NUDT21: variants seen among roughly 807,000 people sequenced by gnomAD.
The protein encoded by NUDT21 is nudix hydrolase 21.
A neutral mutation model predicts 29.8 loss-of-function variants in NUDT21; 5 were observed. The observed-to-expected ratio is 0.17, with a 90% CI of 0.09 to 0.35. The LOEUF is 0.35. Among genes scored for constraint, NUDT21 ranks in the 10% least tolerant of loss-of-function variants. The probability of loss-of-function intolerance (pLI) is 1.00; values close to 1 mark genes in which losing one functional copy is unlikely to be tolerated. For synonymous variants in NUDT21, 113 were observed against 98.5 expected, an observed-to-expected ratio of 1.15 and a Z score of -0.87; for missense variants, 76 against 276.0, an observed-to-expected ratio of 0.28 and a Z score of 5.13.
rs1249928619 is a variant in NUDT21 at position 56,434,693 on chromosome 16, T to C, written c.547+61A>G. The C allele has an allele frequency of 5.6e-6, 6 of 1,063,244 alleles. No homozygotes were observed. In the East Asian group the frequency reaches 9.5e-5, roughly 17 times the overall value. 65.9% of individuals were successfully genotyped at this position (1,063,244 alleles called of 1,614,324 possible). A position where few individuals can be genotyped will look rare whatever the true frequency, so the allele number is the denominator to read the frequency against. On this transcript the variant is annotated intron_variant, in intron 5 of 6. Transcript: ENST00000300291. ...AACTTTGAGAAAACACAAATAGAGG[T>C]ATCCTTGAAATTATTCTACAGAATT...
At position 56,451,229 on chromosome 16, in the gene NUDT21, A is replaced by G; in HGVS notation, c.-27T>C. On this transcript the variant is annotated 5_prime_UTR_variant, in exon 1 of 7. Transcript: ENST00000300291. ...CTGGCGAGCTCCGGCGCTGACGGCGAGCAGAAAGTGGCAGGCAGGGTAGAC... is the reference window on the plus strand; with the variant it reads ...CTGGCGAGCTCCGGCGCTGACGGCGGGCAGAAAGTGGCAGGCAGGGTAGAC... 6.5e-7 allele frequency: 1 copy of G among 1,545,742 alleles called. No individual in the cohort carries two copies.
At chr16:56,444,210 G>A (rs1323946525) in intron 3 of NUDT21, among the ~76,000 whole-genome samples, 1 of 152,116 alleles carries the variant, frequency 6.6e-6, no homozygotes, top group Non-Finnish European at 1.5e-5. Flanking sequence ...CTTGAGCCCA[G>A]GAGTTTGTGG....
intron 3 of NUDT21, among the ~76,000 whole-genome samples, chr16:56,443,028 T>C (rs1962177297): frequency 6.6e-6 from 1 of 152,204 alleles, no homozygotes; most frequent in Non-Finnish European, 1.5e-5. Context: ...CTGCTTCTGT[T>C]GAGGTCCTTT....
intron 3 of NUDT21, among the ~76,000 whole-genome samples, chr16:56,444,339 T>G (rs1962192566): frequency 1.3e-5 from 2 of 152,046 alleles, no homozygotes; most frequent in Admixed American, 6.6e-5. Flanking sequence ...ATCCCAACAC[T>G]TTGGGAGGCC....
Position 56,451,331 on chromosome 16 carries a change from A to C in NUDT21, c.-129T>G. 1.3e-6 allele frequency: 1 copy of C among 799,408 alleles called. No homozygotes were observed. The highest frequency in any genetic ancestry group is 2.0e-6 in the Non-Finnish European group (1 of 506,000). 49.5% of individuals were successfully genotyped at this position (799,408 alleles called of 1,614,324 possible). The stretch of plus-strand genomic sequence containing the variant: ...GCCATTAACAGGACAGCGCAAGAGG[A>C]GGCGTAGGCACGCCGGAAGTGAACC... On this transcript the variant is annotated 5_prime_UTR_variant, in exon 1 of 7. Coordinates refer to ENST00000300291, the MANE Select transcript of NUDT21 (RefSeq NM_007006.3).
Position 56,439,639 on chromosome 16 carries a change from ATGTAAC to A in NUDT21, c.471+12_471+17del. 1 of 1,541,450 alleles carries A rather than the reference ATGTAAC, an allele frequency of 6.5e-7. No homozygotes were observed. On this transcript the variant is annotated intron_variant, in intron 4 of 6. Coordinates refer to ENST00000300291, the MANE Select transcript of NUDT21 (RefSeq NM_007006.3). The stretch of plus-strand genomic sequence containing the variant: ...TTTCTGCTTCCAAAATGCCCAGCAA[ATGTAAC>A]TGAACACTGACCTGAGGAGGTTCAA...
At chr16:56,438,095 A>G (rs1003282236) in intron 4 of NUDT21, among the ~76,000 whole-genome samples, 4 of 152,170 alleles carry the variant, frequency 2.6e-5, no homozygotes, top group African/African-American at 7.2e-5. Flanking sequence ...ATGACCCCCA[A>G]TGATTCCTGT....
At chr16:56,437,146 T>A (rs1962112904) in intron 4 of NUDT21, among the ~76,000 whole-genome samples, 1 of 152,210 alleles carries the variant, frequency 6.6e-6, no homozygotes, top group Non-Finnish European at 1.5e-5. Context: ...CAGCATCAGC[T>A]TCCACAGCCC....
chr16:56,439,545 G>T, intron 4 of NUDT21, 112 bp downstream of exon 4: 1 of 765,154 alleles, frequency 1.3e-6, no homozygotes. Flanking sequence ...AAATTAAGGA[G>T]GGAAGAAAAG....
chr16:56,432,683 CTTCT>C lies in NUDT21; in HGVS notation c.*25_*28del, dbSNP rs747323823. On this transcript the variant is annotated 3_prime_UTR_variant, in exon 7 of 7. Coordinates refer to ENST00000300291, the MANE Select transcript of NUDT21 (RefSeq NM_007006.3). Reference sequence around the variant, plus strand: ...TAGCTGTGCTCACAGAGACAAGCGGCTTCTTTTACTTCTCCACTGCGCAGGAATT... The same window carrying C: ...TAGCTGTGCTCACAGAGACAAGCGGCTTTACTTCTCCACTGCGCAGGAATT... 8 of 1,605,828 alleles carry C rather than the reference CTTCT, an allele frequency of 5.0e-6. No homozygotes were observed. In the South Asian group the frequency reaches 7.8e-5, roughly 16 times the overall value.
intron 4 of NUDT21, among the ~76,000 whole-genome samples, chr16:56,437,608 C>T (rs551175430): frequency 5.9e-5 from 9 of 152,092 alleles, no homozygotes; most frequent in Non-Finnish European, 1.3e-4. Flanking sequence ...TTCATGCAAC[C>T]CTTATCCAAT....
At position 56,434,809 on chromosome 16, in the gene NUDT21, A is replaced by G; in HGVS notation, c.492T>C (p.His164=). Residue 164 remains histidine (H), a synonymous_variant, in exon 5 of 7, where the codon CAT becomes CAC. Coordinates refer to ENST00000300291, the MANE Select transcript of NUDT21 (RefSeq NM_007006.3). ...TCTTATGTTCCTTAGGCTTTGTAAT[A>G]TGTGCAGGAATATATGGATACTGAA... The part of the protein sequence containing the change: ...EPPQYPYIPA[H]ITKPKEHKKL... 1.9e-6 allele frequency: 3 copies of G among 1,588,358 alleles called. No homozygotes were observed. The highest frequency in any genetic ancestry group is 2.6e-6 in the Non-Finnish European group (3 of 1,158,764).
Position 56,435,746 on chromosome 16 carries a change from TATATA to T in NUDT21, c.472-922_472-918del, listed in dbSNP as rs1567537949. On this transcript the variant is annotated intron_variant, in intron 4 of 6. Transcript: ENST00000300291. ...GTCTCCCAAAAAAAAAAAAAAATTA[TATATA>T]TATATATATATATATATATATATAT... Among the ~76,000 whole-genome samples, 9 of 49,658 alleles carry T rather than the reference TATATA, an allele frequency of 1.8e-4. 1 individual carries two copies. In the East Asian group the frequency reaches 5.5e-3, roughly 31 times the overall value. 32.6% of individuals were successfully genotyped at this position (49,658 alleles called of 152,430 possible). A position where few individuals can be genotyped will look rare whatever the true frequency, so the allele number is the denominator to read the frequency against.
In NUDT21 at chr16:56,447,842, C is replaced by T. The variant is rs142002443; in HGVS notation, c.264G>A (p.Glu88=). Residue 88 remains glutamate (E), a synonymous_variant, in exon 2 of 7, where the codon GAG becomes GAA. Transcript: ENST00000300291. Reference sequence around the variant, plus strand: ...GCAGTAACACATGGGGTAGCCGGTGCTCATGTACAATCAGAACCCCTTCTA... The same window carrying T: ...GCAGTAACACATGGGGTAGCCGGTGTTCATGTACAATCAGAACCCCTTCTA... ...RTVEGVLIVH[E]HRLPHVLLLQ... 6.2e-7 allele frequency: 1 copy of T among 1,613,982 alleles called. No individual in the cohort carries two copies. Among genetic ancestry groups the T allele is most frequent in the Non-Finnish European group, 8.5e-7 (1 of 1,179,968 alleles).
At chr16:56,450,981 C>G (rs1366282375) in intron 1 of NUDT21, 106 bp downstream of exon 1, 1 of 843,484 alleles carries the variant, frequency 1.2e-6, no homozygotes, top group African/African-American at 1.7e-5. Flanking sequence ...GAGTTGGAGG[C>G]GGGGAGGTGC....
intron 1 of NUDT21, among the ~76,000 whole-genome samples, chr16:56,449,589 A>G (rs570831489): frequency 6.6e-6 from 1 of 152,336 alleles, no homozygotes; most frequent in East Asian, 1.9e-4. Flanking sequence ...GAAGATTAAA[A>G]TATCTTACTG....
rs1962012887 is a variant in NUDT21, at chr16:56,429,812, A to C, written c.*2900T>G. On this transcript the variant is annotated 3_prime_UTR_variant, in exon 7 of 7. Coordinates refer to ENST00000300291, the MANE Select transcript of NUDT21 (RefSeq NM_007006.3). ...GGCATATACTGTTCCAAACACTATG[A>C]ACTAGTAAAAACATTAAGTTTGAGG... 1 of 152,210 alleles carries C rather than the reference A, an allele frequency of 6.6e-6. No homozygotes were observed. Among genetic ancestry groups the C allele is most frequent in the Admixed American group, 6.5e-5 (1 of 15,292 alleles). 9.4% of individuals were successfully genotyped at this position (152,210 alleles called of 1,614,324 possible).
intron 4 of NUDT21, chr16:56,439,397 T>C: frequency 5.2e-6 from 2 of 382,038 alleles, no homozygotes; most frequent in South Asian, 5.1e-5. Context: ...GGTCTCAAAC[T>C]CCTGACCTCA....
At chr16:56,444,280 T>C (rs1962191700) in intron 3 of NUDT21, among the ~76,000 whole-genome samples, 1 of 151,446 alleles carries the variant, frequency 6.6e-6, no homozygotes, top group African/African-American at 2.4e-5. Context: ...TGAGACCCTG[T>C]CTCTAAAAAA....
Sources: gnomAD v4.1 joint callset for allele counts (sites outside exome capture counted in the v4.1 genomes callset) on GRCh38, gnomAD v4.1.1 for gene constraint, MANE v1.5 for transcripts, NCBI Gene and HGNC (gene_info 2026-07-23, HGNC 2026-07-21) for gene names.